The following PDE4B variants were observed in gnomAD, a reference collection of about 807,000 sequenced individuals.
PDE4B encodes the protein 3',5'-cyclic-AMP phosphodiesterase 4B.
PDE4B carries 20 observed loss-of-function variants against 82.2 expected under a neutral mutation model. That is an observed-to-expected ratio of 0.24 (90% CI 0.17 to 0.35). PDE4B has a LOEUF of 0.35. Among genes scored for constraint, PDE4B ranks in the 10% least tolerant of loss-of-function variants. PDE4B has a pLI of 1.00. For missense variants in PDE4B, 655 were observed against 907.2 expected (o/e 0.72, Z 3.57); for synonymous variants, 320 against 318.9 (o/e 1.00, Z -0.04).
In PDE4B at chr1:66,231,665, A is replaced by G. The variant is rs552949286; in HGVS notation, c.282-15795A>G. On this transcript the variant is annotated intron_variant, in intron 3 of 16. Coordinates refer to ENST00000341517, the MANE Select transcript of PDE4B (RefSeq NM_002600.4). ...AAATTTGAAGGCAGTAACTATTCAA[A>G]GGATGGATTTGCAAAATAGCAATGC... is the stretch of plus-strand genomic sequence containing the variant. Among the ~76,000 whole-genome samples, 15 of 152,366 alleles carry G rather than the reference A, an allele frequency of 9.8e-5. No individual in the cohort carries two copies. The South Asian group carries it at 3.1e-3, about 32-fold the overall frequency.
rs141311205 is a variant in PDE4B, at chr1:66,279,424, G to A, written c.634+13337G>A. ...ACATTACTTGAGGCCAGGAGTTCAAGACCAGCCTGGCCAACATAGTGAAAT... is the reference window on the plus strand; with the variant it reads ...ACATTACTTGAGGCCAGGAGTTCAAAACCAGCCTGGCCAACATAGTGAAAT... On this transcript the variant is annotated intron_variant, in intron 7 of 16. Transcript: ENST00000341517. 1.1e-4 allele frequency among the ~76,000 whole-genome samples: 17 copies of A among 152,286 alleles called. No homozygotes were observed. The East Asian group carries it at 3.3e-3, about 29-fold the overall frequency.
chr1:66,059,130 G>A (rs1655456627), intron 3 of PDE4B, among the ~76,000 whole-genome samples: 1 of 152,142 alleles, frequency 6.6e-6, no homozygotes, highest in African/African-American at 2.4e-5. Context: ...TAGGGCAGAG[G>A]CAAAATGCCA....
chr1:66,153,537 G>A (rs751560336), intron 3 of PDE4B, among the ~76,000 whole-genome samples: 1 of 152,088 alleles, frequency 6.6e-6, no homozygotes, highest in Non-Finnish European at 1.5e-5. Context: ...TCCCAAAAGG[G>A]TATAGAGCTT....
intron 3 of PDE4B, among the ~76,000 whole-genome samples, chr1:66,200,626 C>G (rs1419671614): frequency 1.3e-5 from 2 of 152,064 alleles, no homozygotes; most frequent in Non-Finnish European, 2.9e-5. Flanking sequence ...TGGGAGTTCA[C>G]TCATGATTTG....
intron 3 of PDE4B, among the ~76,000 whole-genome samples, chr1:66,203,714 C>G (rs369193504): frequency 6.6e-6 from 1 of 151,992 alleles, no homozygotes; most frequent in African/African-American, 2.4e-5. Context: ...CCTTTAAGCA[C>G]TTCTCTGCAT....
At chr1:65,994,111 A>G (rs952189348) in intron 3 of PDE4B, among the ~76,000 whole-genome samples, 2 of 152,174 alleles carry the variant, frequency 1.3e-5, no homozygotes, top group African/African-American at 4.8e-5. Context: ...AGGCAATTCT[A>G]ACACAGTGAT....
intron 3 of PDE4B, among the ~76,000 whole-genome samples, chr1:66,182,771 G>A (rs1427117521): frequency 6.6e-6 from 1 of 152,148 alleles, no homozygotes; most frequent in Non-Finnish European, 1.5e-5. Flanking sequence ...TAAATGAAAT[G>A]AAGAAACAGA....
At chr1:65,870,762 G>T (rs1018757738) in intron 1 of PDE4B, among the ~76,000 whole-genome samples, 3 of 152,032 alleles carry the variant, frequency 2.0e-5, no homozygotes, top group African/African-American at 7.2e-5. Context: ...TTACTATATG[G>T]GTGTGACCAA....
At chr1:66,186,041 G>A (rs987182189) in intron 3 of PDE4B, among the ~76,000 whole-genome samples, 1 of 152,140 alleles carries the variant, frequency 6.6e-6, no homozygotes, top group Admixed American at 6.5e-5. Flanking sequence ...TCCAGTTTCA[G>A]CTTTCTACAT....
chr1:66,351,967 A>G (rs1023677423), intron 8 of PDE4B, among the ~76,000 whole-genome samples: 1 of 152,100 alleles, frequency 6.6e-6, no homozygotes, highest in Non-Finnish European at 1.5e-5. Flanking sequence ...TGTAAAAGAT[A>G]CCCTTCCACC....
intron 3 of PDE4B, among the ~76,000 whole-genome samples, chr1:66,110,278 T>A (rs927263785): frequency 6.6e-6 from 1 of 152,012 alleles, no homozygotes; most frequent in African/African-American, 2.4e-5. Context: ...TTTCTAAGTA[T>A]GCAAGTGTGA....
chr1:65,799,081 G>A, intron 1 of PDE4B, among the ~76,000 whole-genome samples: 1 of 152,192 alleles, frequency 6.6e-6, no homozygotes, highest in East Asian at 1.9e-4. Context: ...TTAAGGAGCA[G>A]ATACCAGGAT....
At chr1:66,265,312 A>G (rs888005003) in intron 6 of PDE4B, among the ~76,000 whole-genome samples, 9 of 152,172 alleles carry the variant, frequency 5.9e-5, no homozygotes, top group Non-Finnish European at 5.9e-5. Flanking sequence ...AGTCTGGTAG[A>G]AGTTCTGCAA....
chr1:66,234,687 CT>C (rs555920420), intron 3 of PDE4B, among the ~76,000 whole-genome samples: 12 of 151,196 alleles, frequency 7.9e-5, no homozygotes, highest in Non-Finnish European at 1.5e-4. Context: ...TGTATCTCTT[CT>C]TTTTTTTTCC....
intron 3 of PDE4B, among the ~76,000 whole-genome samples, chr1:65,925,562 A>G (rs768580528): frequency 6.6e-6 from 1 of 151,954 alleles, no homozygotes; most frequent in Admixed American, 6.6e-5. Context: ...CTCCAACAAC[A>G]TCTATTAGTT....
chr1:66,238,986 C>G (rs1233757573), intron 3 of PDE4B, among the ~76,000 whole-genome samples: 1 of 152,186 alleles, frequency 6.6e-6, no homozygotes, highest in Non-Finnish European at 1.5e-5. Context: ...TGAGAACTTA[C>G]AAAAGAAAGC....
chr1:65,935,863 G>C (rs941987072), intron 3 of PDE4B, among the ~76,000 whole-genome samples: 12 of 151,900 alleles, frequency 7.9e-5, no homozygotes, highest in African/African-American at 2.9e-4. Context: ...CTTGAACCTG[G>C]GAGGCGGAGG....
chr1:66,278,033 G>A (rs1557675194), intron 7 of PDE4B, among the ~76,000 whole-genome samples: 1 of 152,128 alleles, frequency 6.6e-6, no homozygotes, highest in Admixed American at 6.5e-5. Context: ...CACACATAAA[G>A]CACTAAATAA....
At chr1:65,988,759 C>T (rs927676586) in intron 3 of PDE4B, among the ~76,000 whole-genome samples, 4 of 151,144 alleles carry the variant, frequency 2.6e-5, no homozygotes, top group Non-Finnish European at 5.9e-5. Flanking sequence ...CCATGTTGTG[C>T]TAGGTATAAT....
Sources: gnomAD v4.1 joint callset for allele counts (sites outside exome capture counted in the v4.1 genomes callset) on GRCh38, gnomAD v4.1.1 for gene constraint, MANE v1.5 for transcripts, NCBI Gene and HGNC (gene_info 2026-07-23, HGNC 2026-07-21) for gene names.